XKR9: variants seen among roughly 807,000 people sequenced by gnomAD.
XKR9 encodes the protein XK-related protein 9.
A neutral mutation model predicts 32.0 loss-of-function variants in XKR9; 32 were observed. The ratio of observed to expected loss-of-function variants is 1.00; its 90% CI spans 0.76 to 1.34. XKR9 has a LOEUF of 1.34. Ranked by LOEUF, XKR9 falls within the 40% of genes most tolerant of loss-of-function variation. The pLI is 0.00. For missense variants in XKR9, 546 were observed against 429.7 expected (o/e 1.27, Z -2.39); for synonymous variants, 168 against 143.4 (o/e 1.17, Z -1.22).
chr8:71,029,247 G>A, the XKR9 span, among the ~76,000 whole-genome samples: 1 of 152,146 alleles, frequency 6.6e-6, no homozygotes, highest in Non-Finnish European at 1.5e-5. Context: ...TTCTTCAAGA[G>A]CCAGATAAAA....
the XKR9 span, among the ~76,000 whole-genome samples, chr8:70,887,402 A>G: frequency 2.0e-5 from 3 of 151,760 alleles, no homozygotes; most frequent in South Asian, 2.1e-4. Flanking sequence ...TCTTGGCTAT[A>G]TGGGCTTTTT....
intron 4 of XKR9, among the ~76,000 whole-genome samples, chr8:70,724,892 G>A (rs889638297): frequency 6.6e-6 from 1 of 152,104 alleles, no homozygotes; most frequent in Non-Finnish European, 1.5e-5. Flanking sequence ...CCAATTTACT[G>A]TATTAGTATG....
At chr8:70,715,733 C>T (rs1806065492) in intron 4 of XKR9, among the ~76,000 whole-genome samples, 1 of 151,960 alleles carries the variant, frequency 6.6e-6, no homozygotes, top group Non-Finnish European at 1.5e-5. Flanking sequence ...AAGTAATGTA[C>T]TAAGGATAGA....
intron 3 of XKR9, among the ~76,000 whole-genome samples, chr8:70,789,724 A>C (rs1348499615): frequency 8.1e-6 from 1 of 124,056 alleles, no homozygotes; most frequent in Non-Finnish European, 2.0e-5. Flanking sequence ...GTTTTTTTTT[A>C]GTTAATAAAA....
the XKR9 span, among the ~76,000 whole-genome samples, chr8:70,895,991 GA>G: frequency 6.6e-6 from 1 of 152,098 alleles, no homozygotes; most frequent in Non-Finnish European, 1.5e-5. Context: ...CTGGGTGACA[GA>G]GAAAGACCCT....
rs550257321 is a variant in XKR9, at chr8:70,750,261, G to T, written n.353-39078G>T. On this transcript the variant is annotated intron_variant and non_coding_transcript_variant, in intron 2 of 3. Transcript: ENST00000520273. The stretch of plus-strand genomic sequence containing the variant: ...ATTTCTATGTTGCTCTGTGAACTCT[G>T]CATAGAATTTCTAGGGGTTTCTATT... Among the ~76,000 whole-genome samples the T allele has an allele frequency of 4.6e-5, 7 of 152,248 alleles. No homozygotes were observed. The South Asian group carries it at 1.5e-3, about 32-fold the overall frequency.
At chr8:70,828,143 G>A in the XKR9 span, among the ~76,000 whole-genome samples, 2 of 152,130 alleles carry the variant, frequency 1.3e-5, no homozygotes, top group African/African-American at 4.8e-5. Context: ...TTGGCTGCCT[G>A]GCGTTTTTCT....
chr8:71,008,659 C>T, the XKR9 span, among the ~76,000 whole-genome samples: 1 of 152,184 alleles, frequency 6.6e-6, no homozygotes, highest in Non-Finnish European at 1.5e-5. Context: ...CAGAATCTCA[C>T]TCTGTTGCAC....
the XKR9 span, among the ~76,000 whole-genome samples, chr8:70,954,109 A>T: frequency 6.6e-6 from 1 of 151,890 alleles, no homozygotes; most frequent in African/African-American, 2.4e-5. Flanking sequence ...AAAGTCACAG[A>T]CCTTTCCATA....
the XKR9 span, among the ~76,000 whole-genome samples, chr8:70,803,202 T>C: frequency 6.6e-6 from 1 of 152,220 alleles, no homozygotes; most frequent in Non-Finnish European, 1.5e-5. Flanking sequence ...GTCTTCAAAC[T>C]TGGACATTCT....
At chr8:70,886,334 C>G in the XKR9 span, among the ~76,000 whole-genome samples, 1 of 152,066 alleles carries the variant, frequency 6.6e-6, no homozygotes, top group South Asian at 2.1e-4. Context: ...TATTGTACAT[C>G]ATGCTGCAAT....
the XKR9 span, among the ~76,000 whole-genome samples, chr8:70,997,473 T>C: frequency 3.9e-5 from 6 of 152,180 alleles, no homozygotes; most frequent in African/African-American, 1.4e-4. Flanking sequence ...GCAACCTGGA[T>C]GGAGATGGAG....
the XKR9 span, among the ~76,000 whole-genome samples, chr8:70,881,939 A>AAGGATG: frequency 2.1e-4 from 32 of 152,322 alleles, no homozygotes; most frequent in African/African-American, 7.5e-4. Flanking sequence ...AGCCATAAAA[A>AAGGATG]AGGATGAGTT....
the XKR9 span, among the ~76,000 whole-genome samples, chr8:70,861,971 A>T: frequency 2.2e-4 from 33 of 152,266 alleles, no homozygotes; most frequent in African/African-American, 7.7e-4. Context: ...TATCTATTTT[A>T]CTGAAATACT....
At chr8:70,726,709 A>C (rs1248298472) in intron 4 of XKR9, among the ~76,000 whole-genome samples, 1 of 152,222 alleles carries the variant, frequency 6.6e-6, no homozygotes, top group Non-Finnish European at 1.5e-5. Context: ...AAGGTACCAA[A>C]GAGTTTTTTG....
the XKR9 span, among the ~76,000 whole-genome samples, chr8:70,974,401 C>T: frequency 6.6e-6 from 1 of 152,134 alleles, no homozygotes; most frequent in Non-Finnish European, 1.5e-5. Flanking sequence ...GATCCCACCA[C>T]CCCATGACAG....
At chr8:70,748,267 T>C (rs1453958287) in intron 2 of XKR9, among the ~76,000 whole-genome samples, 1 of 152,192 alleles carries the variant, frequency 6.6e-6, no homozygotes, top group Non-Finnish European at 1.5e-5. Context: ...CCTGTGCTCC[T>C]GGGCGCAGAT....
At chr8:70,689,552 A>G (rs987534084) in intron 3 of XKR9, among the ~76,000 whole-genome samples, 1 of 150,658 alleles carries the variant, frequency 6.6e-6, no homozygotes, top group Non-Finnish European at 1.5e-5. Context: ...AATTTATCAT[A>G]CTTGCATACA....
chr8:70,839,439 C>T, the XKR9 span, among the ~76,000 whole-genome samples: 20 of 152,240 alleles, frequency 1.3e-4, no homozygotes, highest in African/African-American at 3.9e-4. Flanking sequence ...TGTTTAAATA[C>T]GTGCTCAGAT....
Sources: allele counts gnomAD v4.1 joint callset (sites outside exome capture counted in the v4.1 genomes callset), GRCh38; gene constraint gnomAD v4.1.1; transcripts MANE v1.5; gene names NCBI Gene and HGNC (gene_info 2026-07-23, HGNC 2026-07-21).